The following KCNQ1 variants were observed in gnomAD, a reference collection of about 807,000 sequenced individuals.
KCNQ1 encodes potassium voltage-gated channel subfamily KQT member 1.
KCNQ1 carries 49 observed loss-of-function variants against 72.4 expected under a neutral mutation model. The observed-to-expected ratio is 0.68, with a 90% CI of 0.54 to 0.86. KCNQ1 has a LOEUF of 0.86. KCNQ1 is among the 40% of genes least tolerant of loss of function. The probability of loss-of-function intolerance (pLI) is 0.00; values close to 1 mark genes in which losing one functional copy is unlikely to be tolerated. For missense variants in KCNQ1, 790 were observed against 945.1 expected (o/e 0.84, Z 2.15); for synonymous variants, 450 against 412.6 (o/e 1.09, Z -1.10).
chr11:2,726,321 C>T lies in KCNQ1; in HGVS notation c.1515-42523C>T, dbSNP rs373243976. On this transcript the variant is annotated intron_variant, in intron 11 of 15. Coordinates refer to ENST00000155840, the MANE Select transcript of KCNQ1 (RefSeq NM_000218.3). ...GCCCCCTGACCTGAGGATCCTAGGG[C>T]CCCTGGATGGGTTTGGGGGAACTGC... Among the ~76,000 whole-genome samples the T allele has an allele frequency of 2.0e-5, 3 of 152,216 alleles. No individual in the cohort carries two copies. The South Asian group carries it at 6.2e-4, about 31-fold the overall frequency.
rs756409929 is a variant in KCNQ1, at chr11:2,808,753, G to A, written c.1794+30716G>A. On this transcript the variant is annotated intron_variant, in intron 15 of 15. Coordinates refer to ENST00000155840, the MANE Select transcript of KCNQ1 (RefSeq NM_000218.3). The surrounding 1 kb of genome is among the most constrained non-coding windows in gnomAD (Gnocchi z 6.0). The stretch of plus-strand genomic sequence containing the variant: ...TAGAAATACCCATCCTTAGTGTGAG[G>A]AGAGCAGCATTCCAGACGCTTCTCT... Among the ~76,000 whole-genome samples the A allele has an allele frequency of 5.9e-5, 9 of 152,172 alleles. No homozygotes were observed. The highest frequency in any genetic ancestry group is 1.3e-4 in the Non-Finnish European group (9 of 68,046).
chr11:2,768,963 C>T lies in KCNQ1; in HGVS notation c.1590+44C>T, dbSNP rs770760010. The T allele has an allele frequency of 6.9e-7, 1 of 1,451,272 alleles. No homozygotes were observed. The allele number at this position is 1,451,272 out of a possible 1,614,324, so 89.9% of individuals were successfully genotyped here. A position where few individuals can be genotyped will look rare whatever the true frequency, so the allele number is the denominator to read the frequency against. On this transcript the variant is annotated intron_variant, in intron 12 of 15. Transcript: ENST00000155840. This position sits in a 1 kb window ranked among gnomAD's most constrained non-coding sequence, Gnocchi z 6.7. Reference sequence around the variant, plus strand: ...CTTCCTGCCCTCAGCCTGCCCCTCGCAGCCTGATGCAGCTGCCCACACCTC... The same window carrying T: ...CTTCCTGCCCTCAGCCTGCCCCTCGTAGCCTGATGCAGCTGCCCACACCTC...
rs1236472369 is a variant in KCNQ1 at position 2,566,343 on chromosome 11, C to T, written c.478-4285C>T. ...CCATGGCAGGCCTGGCCTCACCTGC[C>T]AGTGTCCTCTCCCACACCCGAGGAC... On this transcript the variant is annotated intron_variant, in intron 2 of 15. Transcript: ENST00000155840. The surrounding 1 kb of genome is among the most constrained non-coding windows in gnomAD (Gnocchi z 6.7). Among the ~76,000 whole-genome samples the T allele has an allele frequency of 6.6e-6, 1 of 152,212 alleles. No homozygotes were observed. The highest frequency in any genetic ancestry group is 1.5e-5 in the Non-Finnish European group (1 of 68,038).
Position 2,768,798 on chromosome 11 carries a change from A to G in KCNQ1, c.1515-46A>G, listed in dbSNP as rs749394607. The G allele has an allele frequency of 6.8e-7, 1 of 1,471,610 alleles. No homozygotes were observed. The highest frequency in any genetic ancestry group is 1.1e-5 in the South Asian group (1 of 88,262). The allele number at this position is 1,471,610 out of a possible 1,614,324, so 91.2% of individuals were successfully genotyped here. A position where few individuals can be genotyped will look rare whatever the true frequency, so the allele number is the denominator to read the frequency against. Reference sequence around the variant, plus strand: ...GTGCAGGGGCAGTGAGGGGATGACCAGCACAGGGTGGCCACTCACAATCTC... The same window carrying G: ...GTGCAGGGGCAGTGAGGGGATGACCGGCACAGGGTGGCCACTCACAATCTC... On this transcript the variant is annotated intron_variant, in intron 11 of 15. Coordinates refer to ENST00000155840, the MANE Select transcript of KCNQ1 (RefSeq NM_000218.3). This position sits in a 1 kb window ranked among gnomAD's most constrained non-coding sequence, Gnocchi z 6.7.
At chr11:2,660,200 T>C (rs892004645) in intron 10 of KCNQ1, 2 of 398,390 alleles carry the variant, frequency 5.0e-6, no homozygotes, top group Non-Finnish European at 8.9e-6. Flanking sequence ...TTTTTTTCAG[T>C]AAGTTTGTAT....
At chr11:2,581,900 C>T (rs1365962694) in intron 6 of KCNQ1, among the ~76,000 whole-genome samples, 2 of 152,170 alleles carry the variant, frequency 1.3e-5, no homozygotes, top group Non-Finnish European at 2.9e-5. Flanking sequence ...GTGTGTGTCT[C>T]TTAAGGACAG....
rs1848360777 is a variant in KCNQ1 at position 2,847,759 on chromosome 11, C to T, written c.1795-8C>T. 6.4e-7 allele frequency: 1 copy of T among 1,572,570 alleles called. No homozygotes were observed. The highest frequency in any genetic ancestry group is 8.6e-7 in the Non-Finnish European group (1 of 1,158,394). On this transcript the variant is annotated splice_region_variant and splice_polypyrimidine_tract_variant and intron_variant, in intron 15 of 15. Transcript: ENST00000155840. Reference sequence around the variant, plus strand: ...CACTGACTCTCTCGTCTGCCTTTGTCCCCGCAGGTGACGCAGCTGGACCAG... The same window carrying T: ...CACTGACTCTCTCGTCTGCCTTTGTTCCCGCAGGTGACGCAGCTGGACCAG...
At position 2,674,847 on chromosome 11, in the gene KCNQ1, A is replaced by AAT; in HGVS notation, c.1514+12767_1514+12768insTA. The AAT allele has an allele frequency of 2.5e-6, 1 of 396,740 alleles. No individual in the cohort carries two copies. Among genetic ancestry groups the AAT allele is most frequent in the Non-Finnish European group, 4.4e-6 (1 of 225,568 alleles). The allele number at this position is 396,740 out of a possible 1,614,324, so 24.6% of individuals were successfully genotyped here. On this transcript the variant is annotated intron_variant, in intron 11 of 15. Transcript: ENST00000155840. This position sits in a 1 kb window ranked among gnomAD's most constrained non-coding sequence, Gnocchi z 5.9. ...AGCTGTTTTTTAAAAAAAAAAAAAA[A>AAT]AAAAAAAAAAAAAGCTCACTGGGCA...
chr11:2,483,844 G>A lies in KCNQ1; in HGVS notation c.386+38360G>A, dbSNP rs1246548660. Among the ~76,000 whole-genome samples, 6 of 152,052 alleles carry A rather than the reference G, an allele frequency of 3.9e-5. No individual in the cohort carries two copies. Among genetic ancestry groups the A allele is most frequent in the East Asian group, 1.9e-4 (1 of 5,184 alleles). Reference sequence around the variant, plus strand: ...CTCAGCTGTAAATTAACCATTTTCCGCTTCATAATTAGTAAACACCTTGAG... The same window carrying A: ...CTCAGCTGTAAATTAACCATTTTCCACTTCATAATTAGTAAACACCTTGAG... On this transcript the variant is annotated intron_variant, in intron 1 of 15. Coordinates refer to ENST00000155840, the MANE Select transcript of KCNQ1 (RefSeq NM_000218.3). This position sits in a 1 kb window ranked among gnomAD's most constrained non-coding sequence, Gnocchi z 6.1.
intron 11 of KCNQ1, among the ~76,000 whole-genome samples, chr11:2,749,685 C>T (rs780906400): frequency 1.8e-4 from 26 of 143,816 alleles, no homozygotes; most frequent in Admixed American, 1.2e-3. Flanking sequence ...CGGTGGCGGG[C>T]GCCTGTGGTC....
chr11:2,578,996 G>A (rs1397188970), intron 6 of KCNQ1, among the ~76,000 whole-genome samples: 2 of 152,148 alleles, frequency 1.3e-5, no homozygotes, highest in Admixed American at 1.3e-4. Flanking sequence ...GACACCTCTG[G>A]GCTACCCCCT....
Position 2,809,278 on chromosome 11 carries a change from C to G in KCNQ1, c.1794+31241C>G, listed in dbSNP as rs576195981. On this transcript the variant is annotated intron_variant, in intron 15 of 15. Coordinates refer to ENST00000155840, the MANE Select transcript of KCNQ1 (RefSeq NM_000218.3). This position sits in a 1 kb window ranked among gnomAD's most constrained non-coding sequence, Gnocchi z 7.1. ...ATGTTTCTTCACCAAAAGAGAAATTCATTTCTAAATGTCACTTTCAGGTTA... is the reference window on the plus strand; with the variant it reads ...ATGTTTCTTCACCAAAAGAGAAATTGATTTCTAAATGTCACTTTCAGGTTA... Among the ~76,000 whole-genome samples the G allele has an allele frequency of 2.4e-4, 37 of 152,266 alleles. No individual in the cohort carries two copies. The highest frequency in any genetic ancestry group is 4.3e-4 in the Non-Finnish European group (29 of 68,020).
chr11:2,635,674 T>G (rs976685132), intron 10 of KCNQ1: 6 of 152,212 alleles, frequency 3.9e-5, no homozygotes, highest in African/African-American at 1.4e-4. Context: ...GGCTCTTTTT[T>G]GGTTCCATAT....
rs1339627869 is a variant in KCNQ1 at position 2,824,173 on chromosome 11, AACTC to A, written c.1795-23593_1795-23590del. 6.6e-6 allele frequency among the ~76,000 whole-genome samples: 1 copy of A among 152,026 alleles called. No individual in the cohort carries two copies. Among genetic ancestry groups the A allele is most frequent in the Non-Finnish European group, 1.5e-5 (1 of 68,006 alleles). Reference sequence around the variant, plus strand: ...GACACATGCATGCACATGGATAACTAACTCTTCCAGCAAGAGCCACCCCCTGGCT... The same window carrying A: ...GACACATGCATGCACATGGATAACTATTCCAGCAAGAGCCACCCCCTGGCT... On this transcript the variant is annotated intron_variant, in intron 15 of 15. Transcript: ENST00000155840. This position sits in a 1 kb window ranked among gnomAD's most constrained non-coding sequence, Gnocchi z 5.9.
rs1846175308 is a variant in KCNQ1, at chr11:2,748,679, A to T, written c.1515-20165A>T. Among the ~76,000 whole-genome samples, 1 of 151,762 alleles carries T rather than the reference A, an allele frequency of 6.6e-6. No individual in the cohort carries two copies. Among genetic ancestry groups the T allele is most frequent in the South Asian group, 2.1e-4 (1 of 4,774 alleles). ...GACTCCCCACGCCAGGCCCGGCTGG[A>T]TCACAGAGCTTCGGGTCCAGCCAGC... On this transcript the variant is annotated intron_variant, in intron 11 of 15. Transcript: ENST00000155840. The surrounding 1 kb of genome is among the most constrained non-coding windows in gnomAD (Gnocchi z 6.2).
At chr11:2,806,017 T>G (rs1847365370) in intron 15 of KCNQ1, among the ~76,000 whole-genome samples, 1 of 152,160 alleles carries the variant, frequency 6.6e-6, no homozygotes, top group East Asian at 1.9e-4. Flanking sequence ...TTATGCACAT[T>G]AGGGACAATT....
intron 10 of KCNQ1, chr11:2,614,409 T>C: frequency 2.5e-6 from 1 of 398,598 alleles, no homozygotes; most frequent in Admixed American, 4.4e-5. Flanking sequence ...TGTCACTTAG[T>C]ACATTTACAA....
intron 11 of KCNQ1, among the ~76,000 whole-genome samples, chr11:2,732,672 G>T (rs909245078): frequency 6.6e-6 from 1 of 152,202 alleles, no homozygotes; most frequent in African/African-American, 2.4e-5. Flanking sequence ...AGGAACAATC[G>T]CCCCAGTGTG....
rs780658426 is a variant in KCNQ1 at position 2,601,680 on chromosome 11, T to C, written c.1393+12826T>C. ...TGGAATCACACAATACACGATATCT[T>C]AGAAACGGGGTCTTTTGGCTCGGCA... is the stretch of plus-strand genomic sequence containing the variant. On this transcript the variant is annotated intron_variant, in intron 10 of 15. Coordinates refer to ENST00000155840, the MANE Select transcript of KCNQ1 (RefSeq NM_000218.3). This position sits in a 1 kb window ranked among gnomAD's most constrained non-coding sequence, Gnocchi z 5.2. Among the ~76,000 whole-genome samples, 1 of 152,232 alleles carries C rather than the reference T, an allele frequency of 6.6e-6. No individual in the cohort carries two copies. The highest frequency in any genetic ancestry group is 1.5e-5 in the Non-Finnish European group (1 of 68,038).
Sources: allele counts gnomAD v4.1 joint callset (sites outside exome capture counted in the v4.1 genomes callset), GRCh38; gene constraint gnomAD v4.1.1; non-coding constraint Gnocchi (gnomAD v3.1); transcripts MANE v1.5; gene names NCBI Gene and HGNC (gene_info 2026-07-23, HGNC 2026-07-21).